The following EXOC3 variants were observed in gnomAD, a reference collection of about 807,000 sequenced individuals.
EXOC3 encodes the protein SEC6-like 1.
Under a neutral mutation model 73.7 loss-of-function variants are expected in EXOC3, and 21 were observed. The ratio of observed to expected loss-of-function variants is 0.29; its 90% CI spans 0.20 to 0.41. The LOEUF is 0.41. EXOC3 is among the 10% of genes least tolerant of loss of function. The pLI is 1.00. For missense variants in EXOC3, 842 were observed against 985.1 expected, an observed-to-expected ratio of 0.85 and a Z score of 1.95; for synonymous variants, 410 against 389.1, an observed-to-expected ratio of 1.05 and a Z score of -0.63.
intron 4 of EXOC3, among the ~76,000 whole-genome samples, chr5:454,702 G>A (rs1259375159): frequency 6.6e-6 from 1 of 152,086 alleles, no homozygotes; most frequent in South Asian, 2.1e-4. Flanking sequence ...AGTGGTGGGG[G>A]TATTCTGAAA....
Position 465,292 on chromosome 5 carries a change from G to A in EXOC3, c.1938+20G>A. On this transcript the variant is annotated intron_variant, in intron 11 of 12. Transcript: ENST00000512944. ...GCGTCCGTGAGTGTCGCGCAGGTCCGGGCTGGAGAAGGCCTGTCGCTCCGC... is the reference window on the plus strand; with the variant it reads ...GCGTCCGTGAGTGTCGCGCAGGTCCAGGCTGGAGAAGGCCTGTCGCTCCGC... 2 of 1,565,578 alleles carry A rather than the reference G, an allele frequency of 1.3e-6. No homozygotes were observed. Among genetic ancestry groups the A allele is most frequent in the Non-Finnish European group, 1.7e-6 (2 of 1,156,310 alleles).
intron 3 of EXOC3, 52 bp from the exon 4 acceptor site, chr5:453,318 G>T (rs1737708124): frequency 1.4e-6 from 2 of 1,416,890 alleles, no homozygotes; most frequent in African/African-American, 2.8e-5. Flanking sequence ...CATGCAGGCA[G>T]CCTTTTATGT....
chr5:447,982 G>A (rs769437659), intron 3 of EXOC3, among the ~76,000 whole-genome samples: 5 of 152,198 alleles, frequency 3.3e-5, no homozygotes, highest in Non-Finnish European at 7.3e-5. Context: ...GCCCAGAAGC[G>A]GGCTGCCCAG....
At chr5:464,913 G>A (rs1233209837) in intron 10 of EXOC3, 198 bp from the exon 11 acceptor site, 1 of 621,030 alleles carries the variant, frequency 1.6e-6, no homozygotes, top group African/African-American at 1.9e-5. Context: ...CTGGTGCGGG[G>A]GTCCAGGTCA....
chr5:444,124 G>A (rs1400561686), intron 1 of EXOC3, among the ~76,000 whole-genome samples: 1 of 152,252 alleles, frequency 6.6e-6, no homozygotes, highest in East Asian at 1.9e-4. Context: ...GCAGTAGGGT[G>A]TCCCCCCGCT....
At position 453,669 on chromosome 5, in the gene EXOC3, A is replaced by G. The variant is rs749679628; in HGVS notation, c.664A>G (p.Ile222Val). ...VVRIIEREEK[I>V]DRRILDRKKQ... ...CAGGATCATTGAAAGGGAAGAGAAA[A>G]TTGACAGGCGCATACTTGACCGGAA... Residue 222 changes from isoleucine (I) to valine (V), a missense_variant, in exon 4 of 13, where the codon ATT becomes GTT. Transcript: ENST00000512944. 9.3e-6 allele frequency: 15 copies of G among 1,613,852 alleles called. No homozygotes were observed. The highest frequency in any genetic ancestry group is 1.3e-5 in the Non-Finnish European group (15 of 1,179,862).
chr5:459,062 C>T (rs945146954), intron 6 of EXOC3, among the ~76,000 whole-genome samples: 3 of 152,324 alleles, frequency 2.0e-5, no homozygotes, highest in Non-Finnish European at 4.4e-5. Flanking sequence ...TGGGGCCTCA[C>T]TCCACACATT....
chr5:460,497 A>G (rs1456762716), intron 7 of EXOC3, among the ~76,000 whole-genome samples: 1 of 152,190 alleles, frequency 6.6e-6, no homozygotes, highest in Admixed American at 6.5e-5. Context: ...CCCATTTGCC[A>G]TCCATCGATA....
intron 7 of EXOC3, among the ~76,000 whole-genome samples, chr5:459,772 G>A (rs751321048): frequency 6.6e-6 from 1 of 152,232 alleles, no homozygotes; most frequent in Non-Finnish European, 1.5e-5. Flanking sequence ...TCCTTGGGGT[G>A]GGGGTGGCGA....
intron 7 of EXOC3, chr5:461,575 T>C: frequency 5.2e-6 from 1 of 192,524 alleles, no homozygotes; most frequent in East Asian, 1.4e-4. Context: ...GTCTCACCAC[T>C]GCACTCCAGC....
chr5:453,670 T>G lies in EXOC3; in HGVS notation c.665T>G (p.Ile222Ser). 6.2e-7 allele frequency: 1 copy of G among 1,613,852 alleles called. No individual in the cohort carries two copies. Among genetic ancestry groups the G allele is most frequent in the Non-Finnish European group, 8.5e-7 (1 of 1,179,880 alleles). ...AGGATCATTGAAAGGGAAGAGAAAA[T>G]TGACAGGCGCATACTTGACCGGAAA... ...VVRIIEREEK[I>S]DRRILDRKKQ... Residue 222 changes from isoleucine to serine, a missense_variant, in exon 4 of 13, where the codon ATT becomes AGT. Ile to Ser is a moderately radical substitution (Grantham distance 142). Transcript: ENST00000512944.
chr5:467,022 GC>G lies in EXOC3; in HGVS notation c.*126del. ...TTAGCTGCACGGCCTGTCTTTAGGT[GC>G]CAGTGTGATGCACCGGGTGTGCGTC... On this transcript the variant is annotated 3_prime_UTR_variant, in exon 13 of 13. Coordinates refer to ENST00000512944, the MANE Select transcript of EXOC3 (RefSeq NM_007277.5). 1 of 1,027,950 alleles carries G rather than the reference GC, an allele frequency of 9.7e-7. No individual in the cohort carries two copies. Among genetic ancestry groups the G allele is most frequent in the Non-Finnish European group, 1.4e-6 (1 of 710,996 alleles). 63.7% of individuals were successfully genotyped at this position (1,027,950 alleles called of 1,614,324 possible).
intron 12 of EXOC3, 79 bp from the exon 13 acceptor site, chr5:466,648 G>A (rs2126590089): frequency 7.0e-7 from 1 of 1,430,978 alleles, no homozygotes; most frequent in East Asian, 2.4e-5. Flanking sequence ...AGCTGGGGTG[G>A]TGAAGCCGTG....
intron 9 of EXOC3, among the ~76,000 whole-genome samples, chr5:462,959 C>G (rs959451011): frequency 5.3e-5 from 8 of 152,100 alleles, no homozygotes; most frequent in Admixed American, 2.0e-4. Context: ...TACAAAATTA[C>G]CTGGGTGTGG....
chr5:460,630 T>C (rs1029081048), intron 7 of EXOC3, among the ~76,000 whole-genome samples: 1 of 151,946 alleles, frequency 6.6e-6, no homozygotes, highest in African/African-American at 2.4e-5. Flanking sequence ...CAAGTTCCCA[T>C]TGGCCCTCTA....
chr5:456,906 A>G lies in EXOC3; in HGVS notation c.1064A>G (p.Asn355Ser). The change falls in exon 5 of 13, where the codon AAC (asparagine) becomes AGC (serine). Residue 355 changes from asparagine to serine, a missense_variant. By Grantham distance (46) the Asn-to-Ser change is conservative. Coordinates refer to ENST00000512944, the MANE Select transcript of EXOC3 (RefSeq NM_007277.5). The stretch of plus-strand genomic sequence containing the variant: ...CCCCATAGTACTGAGATGATGAGGA[A>G]CGTGGAGCTGGCCCCGGAAGTGGAT... Reference protein sequence around the residue: ...NTYTSTEMMRNVELAPEVDVG... With the variant: ...NTYTSTEMMRSVELAPEVDVG... 1 of 1,613,906 alleles carries G rather than the reference A, an allele frequency of 6.2e-7. No homozygotes were observed. The highest frequency in any genetic ancestry group is 8.5e-7 in the Non-Finnish European group (1 of 1,179,776).
intron 3 of EXOC3, among the ~76,000 whole-genome samples, chr5:452,552 G>A (rs1198490132): frequency 6.6e-6 from 1 of 152,126 alleles, no homozygotes; most frequent in Admixed American, 6.5e-5. Flanking sequence ...CCTTTGAATG[G>A]GCCATACTTT....
chr5:465,798 G>C lies in EXOC3; in HGVS notation c.2019G>C (p.Leu673=). 6.2e-7 allele frequency: 1 copy of C among 1,613,424 alleles called. No individual in the cohort carries two copies. Among genetic ancestry groups the C allele is most frequent in the South Asian group, 1.1e-5 (1 of 90,896 alleles). ...AEVIKLTDPS[L]LYLEVSTLVS... is the part of the protein sequence containing the mutation. ...TGATCAAGCTGACAGACCCTTCTCT[G>C]CTCTACCTGGAGGTCTCCACTCTGG... The change falls in exon 12 of 13, where the codon CTG becomes CTC. Residue 673 remains leucine, a synonymous_variant. Coordinates refer to ENST00000512944, the MANE Select transcript of EXOC3 (RefSeq NM_007277.5).
intron 3 of EXOC3, among the ~76,000 whole-genome samples, chr5:448,370 TCTC>T (rs1210206563): frequency 1.3e-5 from 2 of 152,048 alleles, no homozygotes; most frequent in African/African-American, 2.4e-5. Flanking sequence ...GTGTTCACAG[TCTC>T]CTCCTGCTTG....
Sources: gnomAD v4.1 joint callset for allele counts (sites outside exome capture counted in the v4.1 genomes callset) on GRCh38, gnomAD v4.1.1 for gene constraint, MANE v1.5 for transcripts, NCBI Gene and HGNC (gene_info 2026-07-23, HGNC 2026-07-21) for gene names.